Variants in NRG1 observed in about 807,000 individuals in gnomAD.
NRG1 encodes the protein neuregulin 1.
A neutral mutation model predicts 63.8 loss-of-function variants in NRG1; 18 were observed. The ratio of observed to expected loss-of-function variants is 0.28; its 90% CI spans 0.19 to 0.42. The LOEUF (loss-of-function observed/expected upper bound fraction) is 0.42. Among genes scored for constraint, NRG1 ranks in the 10% least tolerant of loss-of-function variants. The probability of loss-of-function intolerance (pLI) is 1.00; values close to 1 mark genes in which losing one functional copy is unlikely to be tolerated. For missense variants in NRG1, 762 were observed against 814.7 expected (o/e 0.94, Z 0.79); for synonymous variants, 302 against 301.3 (o/e 1.00, Z -0.02).
At chr8:32,378,278 T>A (rs1809878419) in intron 1 of NRG1, among the ~76,000 whole-genome samples, 2 of 152,146 alleles carry the variant, frequency 1.3e-5, no homozygotes, top group South Asian at 4.1e-4. Context: ...AGGGTAATAG[T>A]AGAGCACCAA....
chr8:32,022,987 C>T (rs1403047389), intron 1 of NRG1, among the ~76,000 whole-genome samples: 2 of 152,042 alleles, frequency 1.3e-5, no homozygotes, highest in South Asian at 4.1e-4. Flanking sequence ...TATATTTGTA[C>T]CATAAAATAA....
intron 1 of NRG1, among the ~76,000 whole-genome samples, chr8:32,299,641 A>G (rs909316929): frequency 6.6e-6 from 1 of 152,170 alleles, no homozygotes; most frequent in African/African-American, 2.4e-5. Flanking sequence ...GATTTAATGG[A>G]CTCACAGTTC....
At chr8:32,699,674 G>A (rs950182119) in intron 5 of NRG1, among the ~76,000 whole-genome samples, 2 of 152,006 alleles carry the variant, frequency 1.3e-5, no homozygotes, top group African/African-American at 4.8e-5. Flanking sequence ...GATTGGTACG[G>A]CTTTTGAGAT....
At chr8:32,656,116 C>T (rs1393777795) in intron 5 of NRG1, among the ~76,000 whole-genome samples, 1 of 152,012 alleles carries the variant, frequency 6.6e-6, no homozygotes, top group Non-Finnish European at 1.5e-5. Context: ...TTTGAGTATA[C>T]TACATCTATG....
chr8:32,103,722 A>G (rs1417265378), intron 1 of NRG1, among the ~76,000 whole-genome samples: 1 of 152,112 alleles, frequency 6.6e-6, no homozygotes, highest in Non-Finnish European at 1.5e-5. Flanking sequence ...AGCTTGATGC[A>G]ATGCAGTGTT....
chr8:32,771,559 T>C (rs1234879210), downstream of NRG1, among the ~76,000 whole-genome samples: 2 of 150,742 alleles, frequency 1.3e-5, no homozygotes, highest in African/African-American at 2.4e-5. Context: ...AGAAATTTAC[T>C]AAACCATGAC....
intron 1 of NRG1, among the ~76,000 whole-genome samples, chr8:31,723,779 T>C (rs1813152890): frequency 6.6e-6 from 1 of 152,138 alleles, no homozygotes; most frequent in Non-Finnish European, 1.5e-5. Context: ...CTATCTCTAA[T>C]TTAGAAATGA....
At chr8:32,368,834 C>T (rs1003138086) in intron 1 of NRG1, among the ~76,000 whole-genome samples, 4 of 152,110 alleles carry the variant, frequency 2.6e-5, no homozygotes, top group Admixed American at 6.6e-5. Context: ...CTTATTTTAG[C>T]AAAATTGAAG....
Position 32,538,928 on chromosome 8 carries a change from T to C in NRG1, c.38-56900T>C, listed in dbSNP as rs114653559. Among the ~76,000 whole-genome samples the C allele has an allele frequency of 2.9e-3, 435 of 152,344 alleles. 3 individuals are homozygous for C. The highest frequency in any genetic ancestry group is 0.01 in the African/African-American group (419 of 41,580). ...GAGAAGGAATACACATATTCCACAG[T>C]CACTGGTTCCCTTTGGGAACATCAG... is the stretch of plus-strand genomic sequence containing the variant. On this transcript the variant is annotated intron_variant, in intron 1 of 10. Transcript: ENST00000519301.
At chr8:32,139,901 A>G (rs901460242) in intron 1 of NRG1, among the ~76,000 whole-genome samples, 14 of 152,194 alleles carry the variant, frequency 9.2e-5, no homozygotes, top group Admixed American at 8.5e-4. Context: ...AGAGGTTCCT[A>G]ATTAGCCCTG....
intron 1 of NRG1, among the ~76,000 whole-genome samples, chr8:31,690,122 T>A (rs993175799): frequency 6.6e-6 from 1 of 152,206 alleles, no homozygotes; most frequent in African/African-American, 2.4e-5. Context: ...TTTTCCTCCT[T>A]TTACTCCACA....
chr8:31,965,199 G>A (rs530275769), intron 1 of NRG1, among the ~76,000 whole-genome samples: 1 of 150,710 alleles, frequency 6.6e-6, no homozygotes, highest in East Asian at 2.0e-4. Context: ...ACTGAGGTTG[G>A]TTTCATATAC....
intron 1 of NRG1, among the ~76,000 whole-genome samples, chr8:32,194,124 C>T (rs1017236297): frequency 3.3e-5 from 5 of 152,172 alleles, no homozygotes; most frequent in African/African-American, 1.2e-4. Context: ...TCCAAGCCTC[C>T]GTTTCCTCAT....
intron 1 of NRG1, among the ~76,000 whole-genome samples, chr8:32,149,091 C>CT (rs1837215181): frequency 6.6e-6 from 1 of 152,146 alleles, no homozygotes; most frequent in African/African-American, 2.4e-5. Context: ...ATGAACCTCA[C>CT]TTTTTTCATT....
At chr8:32,749,540 G>T (rs768902622) in intron 7 of NRG1, 2 of 1,612,470 alleles carry the variant, frequency 1.2e-6, no homozygotes, top group South Asian at 1.1e-5. Flanking sequence ...TCTTTTTTTT[G>T]TCAACTTTCT....
At chr8:32,590,337 G>A (rs569622835) in intron 1 of NRG1, among the ~76,000 whole-genome samples, 5 of 152,252 alleles carry the variant, frequency 3.3e-5, no homozygotes, top group Admixed American at 2.0e-4. Flanking sequence ...TTGTTTCAGG[G>A]TGTGGAACTA....
intron 1 of NRG1, among the ~76,000 whole-genome samples, chr8:31,819,815 T>G (rs1823830652): frequency 6.6e-6 from 1 of 152,184 alleles, no homozygotes; most frequent in African/African-American, 2.4e-5. Flanking sequence ...CCCTTAACTG[T>G]TGACTTGAGA....
At chr8:32,643,299 A>G (rs1321874290) in intron 5 of NRG1, among the ~76,000 whole-genome samples, 4 of 152,138 alleles carry the variant, frequency 2.6e-5, no homozygotes, top group Admixed American at 2.0e-4. Context: ...TGCTTAACCA[A>G]TAGGATGCAG....
At chr8:32,746,319 C>T (rs1827411714) in intron 7 of NRG1, among the ~76,000 whole-genome samples, 1 of 152,130 alleles carries the variant, frequency 6.6e-6, no homozygotes. Context: ...ATTGACAGAA[C>T]TCCTTTCGAA....
Sources: gnomAD v4.1 joint callset for allele counts (sites outside exome capture counted in the v4.1 genomes callset) on GRCh38, gnomAD v4.1.1 for gene constraint, MANE v1.5 for transcripts, NCBI Gene and HGNC (gene_info 2026-07-23, HGNC 2026-07-21) for gene names.